Variants in KCNAB1 observed in about 807,000 individuals in gnomAD.
The protein encoded by KCNAB1 is potassium voltage-gated channel subfamily A regulatory beta subunit 1.
In KCNAB1, 35 loss-of-function variants were observed where a neutral mutation model predicts 64.6. The observed-to-expected ratio is 0.54, with a 90% confidence interval of 0.41 to 0.72. The LOEUF (loss-of-function observed/expected upper bound fraction) is 0.72, where lower values mean the gene tolerates loss of function less well. Among genes scored for constraint, KCNAB1 ranks in the 30% least tolerant of loss-of-function variants. The pLI, the probability that KCNAB1 is intolerant of heterozygous loss-of-function variation, is 0.00. For synonymous variants in KCNAB1, 177 were observed against 183.8 expected, an observed-to-expected ratio of 0.96 and a Z score of 0.30; for missense variants, 401 against 512.9, an observed-to-expected ratio of 0.78 and a Z score of 2.11.
chr3:156,499,531 C>T (rs1179067084), intron 8 of KCNAB1, among the ~76,000 whole-genome samples: 1 of 152,094 alleles, frequency 6.6e-6, no homozygotes, highest in Non-Finnish European at 1.5e-5. Context: ...TGTTAACCCT[C>T]TATGTGCATC....
intron 2 of KCNAB1, among the ~76,000 whole-genome samples, chr3:156,450,058 GA>G (rs371831231): frequency 1.5e-4 from 23 of 152,192 alleles, no homozygotes; most frequent in African/African-American, 5.3e-4. Context: ...AGACATAGAA[GA>G]ATAGCCAATT....
chr3:156,328,594 TGTTGA>T (rs1434243018), intron 1 of KCNAB1, among the ~76,000 whole-genome samples: 1 of 152,176 alleles, frequency 6.6e-6, no homozygotes, highest in African/African-American at 2.4e-5. Flanking sequence ...ACATAACTGT[TGTTGA>T]GTTGAGTTTC....
chr3:156,189,363 G>A (rs1713409644), intron 1 of KCNAB1, among the ~76,000 whole-genome samples: 1 of 152,318 alleles, frequency 6.6e-6, no homozygotes, highest in South Asian at 2.1e-4. Context: ...CCCAGAGAGG[G>A]TGTGTGAGTA....
chr3:156,435,082 C>T (rs1716496387), intron 2 of KCNAB1, among the ~76,000 whole-genome samples: 1 of 152,192 alleles, frequency 6.6e-6, no homozygotes, highest in Non-Finnish European at 1.5e-5. Flanking sequence ...GTGTGGAATG[C>T]ACACCTACCT....
At chr3:156,348,468 T>C (rs1015949656) in intron 1 of KCNAB1, among the ~76,000 whole-genome samples, 1 of 152,010 alleles carries the variant, frequency 6.6e-6, no homozygotes, top group Admixed American at 6.6e-5. Flanking sequence ...GCATGAGAGA[T>C]TGAGAACCAG....
At chr3:156,241,013 A>G (rs1254096310) in intron 1 of KCNAB1, among the ~76,000 whole-genome samples, 1 of 152,178 alleles carries the variant, frequency 6.6e-6, no homozygotes, top group Non-Finnish European at 1.5e-5. Context: ...GAGCTGGGGT[A>G]TTTGTATACC....
chr3:156,341,463 A>T (rs1399688470), intron 1 of KCNAB1, among the ~76,000 whole-genome samples: 2 of 152,202 alleles, frequency 1.3e-5, no homozygotes, highest in Non-Finnish European at 2.9e-5. Flanking sequence ...TTGAGGCCTG[A>T]CACATGTCAT....
At chr3:156,143,690 C>T (rs1352631688) in intron 1 of KCNAB1, among the ~76,000 whole-genome samples, 1 of 148,556 alleles carries the variant, frequency 6.7e-6, no homozygotes, top group Non-Finnish European at 1.5e-5. Context: ...GAAGAAGTAT[C>T]TTTGGCTCTG....
intron 1 of KCNAB1, among the ~76,000 whole-genome samples, chr3:156,174,200 G>A (rs749767069): frequency 3.4e-4 from 51 of 152,158 alleles, no homozygotes; most frequent in Non-Finnish European, 6.0e-4. Flanking sequence ...TATTGCTCAA[G>A]GCTAGCCTTC....
intron 1 of KCNAB1, among the ~76,000 whole-genome samples, chr3:156,127,579 A>G (rs1314036889): frequency 6.6e-6 from 1 of 152,204 alleles, no homozygotes; most frequent in East Asian, 1.9e-4. Flanking sequence ...TCAACAGGAC[A>G]GGATTTAGGT....
At chr3:156,230,295 T>C (rs779272493) in intron 1 of KCNAB1, among the ~76,000 whole-genome samples, 16 of 152,202 alleles carry the variant, frequency 1.1e-4, no homozygotes, top group Non-Finnish European at 1.9e-4. Context: ...GATACACAAA[T>C]ACTTACCATT....
chr3:156,205,137 TCTTAGAAAGAACATTTTC>T (rs1325344093), intron 1 of KCNAB1, among the ~76,000 whole-genome samples: 2 of 152,208 alleles, frequency 1.3e-5, no homozygotes, highest in Non-Finnish European at 2.9e-5. Flanking sequence ...AAGAAGGGAT[TCTTAGAAAGAACATTTTC>T]ACGGAGAAGG....
At chr3:156,469,991 C>T (rs1229922003) in intron 7 of KCNAB1, among the ~76,000 whole-genome samples, 1 of 152,164 alleles carries the variant, frequency 6.6e-6, no homozygotes, top group Non-Finnish European at 1.5e-5. Context: ...TAGAGAAGTA[C>T]CATTAGAGGA....
intron 4 of KCNAB1, among the ~76,000 whole-genome samples, chr3:156,458,267 A>G (rs1712604467): frequency 6.6e-6 from 1 of 152,220 alleles, no homozygotes. Context: ...GCGCCAGGCC[A>G]GGCCTCAAGG....
At chr3:156,269,623 T>C (rs1560167103) in intron 1 of KCNAB1, among the ~76,000 whole-genome samples, 1 of 152,194 alleles carries the variant, frequency 6.6e-6, no homozygotes, top group Non-Finnish European at 1.5e-5. Flanking sequence ...ATTTTAGTGC[T>C]AATAATGTTT....
chr3:156,437,801 T>A (rs1174502937), intron 2 of KCNAB1, among the ~76,000 whole-genome samples: 3 of 152,166 alleles, frequency 2.0e-5, no homozygotes, highest in Non-Finnish European at 4.4e-5. Context: ...CTGCAAGGTA[T>A]TACAATCTCC....
intron 1 of KCNAB1, among the ~76,000 whole-genome samples, chr3:156,278,010 A>C (rs1279766503): frequency 6.6e-6 from 1 of 152,196 alleles, no homozygotes; most frequent in Middle Eastern, 3.2e-3. Context: ...GGCGTCTCCT[A>C]CATTAACTTT....
chr3:156,253,096 C>T (rs1285926664), intron 1 of KCNAB1, among the ~76,000 whole-genome samples: 1 of 152,186 alleles, frequency 6.6e-6, no homozygotes, highest in African/African-American at 2.4e-5. Context: ...CAATTCATAG[C>T]ATAATTTTAA....
chr3:156,482,774 T>C (rs891361818), intron 8 of KCNAB1, among the ~76,000 whole-genome samples: 2 of 152,128 alleles, frequency 1.3e-5, no homozygotes, highest in African/African-American at 4.8e-5. Context: ...ATACACAAAA[T>C]GCTTAGGATG....
Sources: gnomAD v4.1 joint callset for allele counts (sites outside exome capture counted in the v4.1 genomes callset) on GRCh38, gnomAD v4.1.1 for gene constraint, MANE v1.5 for transcripts, NCBI Gene and HGNC (gene_info 2026-07-23, HGNC 2026-07-21) for gene names.